The following NMNAT2 variants were observed in gnomAD, a reference collection of about 807,000 sequenced individuals.
NMNAT2 encodes nicotinamide nucleotide adenylyltransferase 2.
NMNAT2 carries 11 observed loss-of-function variants against 41.6 expected under a neutral mutation model. The observed-to-expected ratio is 0.26, with a 90% CI of 0.17 to 0.44. The LOEUF is 0.44. NMNAT2 is among the 20% of genes least tolerant of loss of function. The pLI is 1.00. For synonymous variants in NMNAT2, 148 were observed against 151.2 expected (o/e 0.98, Z 0.16); for missense variants, 288 against 407.7 (o/e 0.71, Z 2.53).
intron 1 of NMNAT2, among the ~76,000 whole-genome samples, chr1:183,389,287 G>A (rs536444997): frequency 6.6e-6 from 1 of 152,222 alleles, no homozygotes; most frequent in East Asian, 1.9e-4. Flanking sequence ...CATCTCTGTT[G>A]AGCAAAGAAC....
chr1:183,390,748 C>T (rs1418586491), intron 1 of NMNAT2, among the ~76,000 whole-genome samples: 1 of 152,188 alleles, frequency 6.6e-6, no homozygotes, highest in East Asian at 1.9e-4. Flanking sequence ...CCAGAACGGA[C>T]TCCCTAACTA....
intron 1 of NMNAT2, among the ~76,000 whole-genome samples, chr1:183,352,742 C>T (rs115646966): frequency 0.012 from 1,752 of 152,188 alleles, 12 homozygotes; most frequent in Admixed American, 0.019. Flanking sequence ...TAGCTGGTCC[C>T]GGGAACATGG....
chr1:183,404,410 T>G (rs927618509), intron 1 of NMNAT2, among the ~76,000 whole-genome samples: 6 of 152,182 alleles, frequency 3.9e-5, no homozygotes, highest in African/African-American at 1.4e-4. Flanking sequence ...AATATTACAC[T>G]TAGCTAGCCT....
intron 4 of NMNAT2, among the ~76,000 whole-genome samples, chr1:183,287,719 G>A (rs1034026738): frequency 6.6e-5 from 10 of 152,286 alleles, no homozygotes; most frequent in South Asian, 2.1e-4. Flanking sequence ...AGGTTTCTTC[G>A]TTTCCAAAAG....
intron 1 of NMNAT2, among the ~76,000 whole-genome samples, chr1:183,405,081 G>A (rs1176701628): frequency 6.6e-6 from 1 of 152,104 alleles, no homozygotes; most frequent in African/African-American, 2.4e-5. Context: ...TTAGCCAGGC[G>A]CGGTTGAATG....
intron 10 of NMNAT2, among the ~76,000 whole-genome samples, chr1:183,256,898 C>T (rs1404041993): frequency 4.6e-5 from 7 of 151,962 alleles, no homozygotes; most frequent in Admixed American, 6.6e-5. Context: ...ATTACAGTCA[C>T]GTGCCACCAT....
chr1:183,353,866 T>C (rs481157), intron 1 of NMNAT2, among the ~76,000 whole-genome samples: 107,091 of 151,478 alleles, frequency 0.71, 37,990 homozygotes, highest in East Asian at 0.91. Flanking sequence ...CTTGCTTGAG[T>C]GAGAGGCCCC....
chr1:183,264,755 G>A lies in NMNAT2; in HGVS notation c.652-3452C>T, dbSNP rs74129672. On this transcript the variant is annotated intron_variant, in intron 8 of 10. Coordinates refer to ENST00000287713, the MANE Select transcript of NMNAT2 (RefSeq NM_015039.4). ...TGGTGAGATGTGCCCTCAGTCCAAC[G>A]AGTACCCATCTCCCTCCAAGAGCTT... Among the ~76,000 whole-genome samples, 805 of 152,166 alleles carry A rather than the reference G, an allele frequency of 5.3e-3. 6 individuals are homozygous for A. Among genetic ancestry groups the A allele is most frequent in the African/African-American group, 0.019 (776 of 41,496 alleles).
At chr1:183,305,020 A>G in intron 1 of NMNAT2, 2 of 396,666 alleles carry the variant, frequency 5.0e-6, no homozygotes, top group South Asian at 5.4e-5. Flanking sequence ...AATCCTTTCC[A>G]CTGGAAAAAC....
chr1:183,379,013 A>G (rs1329474009), intron 1 of NMNAT2, among the ~76,000 whole-genome samples: 1 of 151,388 alleles, frequency 6.6e-6, no homozygotes, highest in Non-Finnish European at 1.5e-5. Flanking sequence ...ACTGCACTCC[A>G]GCCTGGGTGA....
chr1:183,409,640 G>A (rs562420572), intron 1 of NMNAT2, among the ~76,000 whole-genome samples: 1 of 152,238 alleles, frequency 6.6e-6, no homozygotes, highest in Non-Finnish European at 1.5e-5. Context: ...TATAAGAATA[G>A]AAATAGGTCT....
intron 1 of NMNAT2, among the ~76,000 whole-genome samples, chr1:183,402,957 T>C (rs2101927497): frequency 8.4e-6 from 1 of 118,830 alleles, no homozygotes; most frequent in South Asian, 3.1e-4. Context: ...AACAACATCA[T>C]ATCTTTTTTT....
intron 3 of NMNAT2, 75 bp from the exon 4 acceptor site, chr1:183,290,281 A>G (rs948492059): frequency 8.1e-7 from 1 of 1,237,546 alleles, no homozygotes; most frequent in Non-Finnish European, 1.1e-6. Flanking sequence ...TCCAAAAATC[A>G]TAGCTCAGGA....
At chr1:183,377,511 A>G (rs1276739093) in intron 1 of NMNAT2, among the ~76,000 whole-genome samples, 1 of 152,156 alleles carries the variant, frequency 6.6e-6, no homozygotes, top group East Asian at 1.9e-4. Context: ...AATACAAGTT[A>G]CCGTTAAAGG....
At position 183,355,624 on chromosome 1, in the gene NMNAT2, T is replaced by C. The variant is rs568955200; in HGVS notation, c.86-61831A>G. ...AATAAAATTGTGTTGAGTGAATGAATTAATAGATGTGCATTACATTGGTTT... is the reference window on the plus strand; with the variant it reads ...AATAAAATTGTGTTGAGTGAATGAACTAATAGATGTGCATTACATTGGTTT... On this transcript the variant is annotated intron_variant, in intron 1 of 10. Coordinates refer to ENST00000287713, the MANE Select transcript of NMNAT2 (RefSeq NM_015039.4). Among the ~76,000 whole-genome samples the C allele has an allele frequency of 2.6e-5, 4 of 152,338 alleles. No individual in the cohort carries two copies. In the South Asian group the frequency reaches 8.3e-4, roughly 32 times the overall value.
rs533815270 is a variant in NMNAT2 at position 183,336,539 on chromosome 1, T to C, written c.86-42746A>G. On this transcript the variant is annotated intron_variant, in intron 1 of 10. Coordinates refer to ENST00000287713, the MANE Select transcript of NMNAT2 (RefSeq NM_015039.4). ...ATCACTTCATATGGATTTGAAAACC[T>C]ACAATTAAAAAGACTGACATTACCA... 4.6e-5 allele frequency among the ~76,000 whole-genome samples: 7 copies of C among 152,318 alleles called. No individual in the cohort carries two copies. The South Asian group carries it at 1.4e-3, about 32-fold the overall frequency.
At chr1:183,256,303 G>C (rs1001007567) in intron 10 of NMNAT2, among the ~76,000 whole-genome samples, 1 of 152,052 alleles carries the variant, frequency 6.6e-6, no homozygotes, top group Non-Finnish European at 1.5e-5. Context: ...CAGCTACTTA[G>C]GAGGCTGAGG....
chr1:183,403,705 A>C (rs1279413964), intron 1 of NMNAT2, among the ~76,000 whole-genome samples: 3 of 152,240 alleles, frequency 2.0e-5, no homozygotes, highest in Non-Finnish European at 4.4e-5. Context: ...TGTTGGACTT[A>C]AACATTCCAC....
Position 183,341,748 on chromosome 1 carries a change from C to CAAAAAAAAAAAA in NMNAT2, c.86-47956_86-47955insTTTTTTTTTTTT, listed in dbSNP as rs369432128. Among the ~76,000 whole-genome samples the CAAAAAAAAAAAA allele has an allele frequency of 3.2e-3, 258 of 79,826 alleles. 20 individuals carry two copies. Among genetic ancestry groups the CAAAAAAAAAAAA allele is most frequent in the African/African-American group, 0.011 (242 of 22,668 alleles). 52.4% of individuals were successfully genotyped at this position (79,826 alleles called of 152,430 possible). A position where few individuals can be genotyped will look rare whatever the true frequency, so the allele number is the denominator to read the frequency against. On this transcript the variant is annotated intron_variant, in intron 1 of 10. Coordinates refer to ENST00000287713, the MANE Select transcript of NMNAT2 (RefSeq NM_015039.4). Reference sequence around the variant, plus strand: ...ACCAAAAAAAAAAAAAAAAAAAAAACCTGTTTCCTTCACTCCAGGTTACTT... The same window carrying CAAAAAAAAAAAA: ...ACCAAAAAAAAAAAAAAAAAAAAAACAAAAAAAAAAAACTGTTTCCTTCACTCCAGGTTACTT...
Sources: allele counts gnomAD v4.1 joint callset (sites outside exome capture counted in the v4.1 genomes callset), GRCh38; gene constraint gnomAD v4.1.1; transcripts MANE v1.5; gene names NCBI Gene and HGNC (gene_info 2026-07-23, HGNC 2026-07-21).